Variants in TXNL1 observed in about 807,000 individuals in gnomAD.
The protein encoded by TXNL1 is thioredoxin like 1.
Under a neutral mutation model 35.5 loss-of-function variants are expected in TXNL1, and 14 were observed. That is an observed-to-expected ratio of 0.39 (90% CI 0.26 to 0.62). The LOEUF (loss-of-function observed/expected upper bound fraction) is 0.62, where lower values mean the gene tolerates loss of function less well. Ranked by LOEUF, TXNL1 falls within the 20% of genes least tolerant of loss-of-function variation. The pLI is 0.47. For missense variants in TXNL1, 263 were observed against 349.7 expected (o/e 0.75, Z 1.98); for synonymous variants, 110 against 115.5 (o/e 0.95, Z 0.31).
At chr18:56,636,356 T>C (rs1192131278) in intron 1 of TXNL1, among the ~76,000 whole-genome samples, 2 of 152,200 alleles carry the variant, frequency 1.3e-5, no homozygotes, top group East Asian at 3.8e-4. Flanking sequence ...TTTTACTGAA[T>C]ACAGTTGTTT....
intron 3 of TXNL1, among the ~76,000 whole-genome samples, chr18:56,619,750 G>A (rs887477085): frequency 1.1e-4 from 17 of 151,742 alleles, no homozygotes; most frequent in Admixed American, 6.6e-4. Context: ...GGTCATGCTT[G>A]TCTTATTTCT....
At position 56,600,716 on chromosome 18, in the gene TXNL1, A is replaced by AT. The variant is rs1346747722; in HGVS notation, c.*2310dup. On this transcript the variant is annotated 3_prime_UTR_variant, in exon 8 of 8. Coordinates refer to ENST00000217515, the MANE Select transcript of TXNL1 (RefSeq NM_004786.3). ...TTGTTACGTGGCTGCCTCCAACAGA[A>AT]TATTGAGACTGGGGAACAACGTGGG... 6.6e-6 allele frequency: 1 copy of AT among 152,246 alleles called. No homozygotes were observed. Among genetic ancestry groups the AT allele is most frequent in the Non-Finnish European group, 1.5e-5 (1 of 68,144 alleles). The allele number at this position is 152,246 out of a possible 1,614,324, so 9.4% of individuals were successfully genotyped here. A position where few individuals can be genotyped will look rare whatever the true frequency, so the allele number is the denominator to read the frequency against.
intron 5 of TXNL1, among the ~76,000 whole-genome samples, chr18:56,615,891 A>C (rs1412213449): frequency 1.3e-5 from 2 of 152,170 alleles, no homozygotes; most frequent in East Asian, 3.8e-4. Context: ...GCAGTCTGGG[A>C]GGCCAAGGTG....
At chr18:56,632,409 C>T (rs2024386608) in intron 1 of TXNL1, among the ~76,000 whole-genome samples, 1 of 152,144 alleles carries the variant, frequency 6.6e-6, no homozygotes, top group African/African-American at 2.4e-5. Flanking sequence ...AGCTAGCATT[C>T]ATTGGGCACT....
At chr18:56,611,295 T>C (rs1035207359) in intron 6 of TXNL1, among the ~76,000 whole-genome samples, 198 bp from the exon 7 acceptor site, 2 of 151,558 alleles carry the variant, frequency 1.3e-5, no homozygotes, top group Admixed American at 6.6e-5. Flanking sequence ...AGGTCAGGAG[T>C]TCGAGACCAG....
chr18:56,624,829 C>G (rs1419672339), intron 2 of TXNL1, among the ~76,000 whole-genome samples: 1 of 152,132 alleles, frequency 6.6e-6, no homozygotes, highest in African/African-American at 2.4e-5. Flanking sequence ...AAAGTCAACA[C>G]AAACCACTGC....
intron 3 of TXNL1, among the ~76,000 whole-genome samples, chr18:56,620,895 TCAGGG>T (rs2024168876): frequency 1.3e-5 from 2 of 152,220 alleles, no homozygotes; most frequent in Non-Finnish European, 2.9e-5. Flanking sequence ...AATGTATTAC[TCAGGG>T]TAACGTATAG....
chr18:56,625,193 G>A (rs1028211772), intron 2 of TXNL1, among the ~76,000 whole-genome samples: 9 of 152,006 alleles, frequency 5.9e-5, no homozygotes, highest in African/African-American at 2.2e-4. Flanking sequence ...GATAACACAG[G>A]AATGTCTTCT....
chr18:56,624,550 T>C, intron 2 of TXNL1, 89 bp from the exon 3 acceptor site: 4 of 1,384,882 alleles, frequency 2.9e-6, no homozygotes, highest in Non-Finnish European at 3.9e-6. Context: ...TTAAATACCA[T>C]AAGCATGAAC....
chr18:56,633,513 T>C (rs889200536), intron 1 of TXNL1, among the ~76,000 whole-genome samples: 1 of 145,632 alleles, frequency 6.9e-6, no homozygotes, highest in Non-Finnish European at 1.5e-5. Flanking sequence ...CGATTACTGC[T>C]GGGGCTGAGT....
chr18:56,601,474 A>G lies in TXNL1; in HGVS notation c.*1553T>C, dbSNP rs2144268710. 1 of 152,364 alleles carries G rather than the reference A, an allele frequency of 6.6e-6. No individual in the cohort carries two copies. Among genetic ancestry groups the G allele is most frequent in the East Asian group, 1.9e-4 (1 of 5,190 alleles). The allele number at this position is 152,364 out of a possible 1,614,324, so 9.4% of individuals were successfully genotyped here. ...GGTTAAGTGTACAAAACTGTAAACC[A>G]AAACCCTGCATATTAATCTTATCCT... is the stretch of plus-strand genomic sequence containing the variant. On this transcript the variant is annotated 3_prime_UTR_variant, in exon 8 of 8. Transcript: ENST00000217515.
At chr18:56,636,260 A>G (rs2024453671) in intron 1 of TXNL1, among the ~76,000 whole-genome samples, 1 of 152,234 alleles carries the variant, frequency 6.6e-6, no homozygotes, top group African/African-American at 2.4e-5. Flanking sequence ...AGGGTTGGAA[A>G]GGAAATGAAA....
intron 1 of TXNL1, among the ~76,000 whole-genome samples, chr18:56,637,163 A>G (rs2024468483): frequency 6.6e-6 from 1 of 152,224 alleles, no homozygotes; most frequent in Non-Finnish European, 1.5e-5. Flanking sequence ...ACTTGTTTTC[A>G]TATCTATCTG....
intron 6 of TXNL1, among the ~76,000 whole-genome samples, chr18:56,612,343 T>C (rs2024010241): frequency 6.6e-6 from 1 of 151,942 alleles, no homozygotes; most frequent in South Asian, 2.1e-4. Context: ...AAAGAAAAAA[T>C]AGTATTGGGA....
intron 5 of TXNL1, 99 bp downstream of exon 5, chr18:56,616,146 A>AT: frequency 9.1e-7 from 1 of 1,093,180 alleles, no homozygotes; most frequent in Non-Finnish European, 1.3e-6. Context: ...AAAAAAAAAA[A>AT]GAAAAAACAA....
At chr18:56,629,198 A>C (rs1390590637) in intron 1 of TXNL1, among the ~76,000 whole-genome samples, 1 of 152,218 alleles carries the variant, frequency 6.6e-6, no homozygotes, top group Non-Finnish European at 1.5e-5. Context: ...GTTAGAAAAC[A>C]ACTTAAATGG....
At chr18:56,631,505 C>T (rs1330723183) in intron 1 of TXNL1, among the ~76,000 whole-genome samples, 1 of 152,118 alleles carries the variant, frequency 6.6e-6, no homozygotes, top group East Asian at 1.9e-4. Flanking sequence ...TACTCTAAAC[C>T]TTCTGACTGA....
chr18:56,629,580 A>G (rs1389734974), intron 1 of TXNL1, among the ~76,000 whole-genome samples: 2 of 152,208 alleles, frequency 1.3e-5, no homozygotes, highest in Admixed American at 6.5e-5. Context: ...ACCTATGTAT[A>G]TATATAAATG....
chr18:56,607,971 C>G (rs2023929295), intron 7 of TXNL1, among the ~76,000 whole-genome samples: 1 of 152,180 alleles, frequency 6.6e-6, no homozygotes, highest in African/African-American at 2.4e-5. Context: ...CAATTTTGCA[C>G]TATTGTAAAC....
Sources: gnomAD v4.1 joint callset for allele counts (sites outside exome capture counted in the v4.1 genomes callset) on GRCh38, gnomAD v4.1.1 for gene constraint, MANE v1.5 for transcripts, NCBI Gene and HGNC (gene_info 2026-07-23, HGNC 2026-07-21) for gene names.